DUOXA1: variants seen among roughly 807,000 people sequenced by gnomAD.
DUOXA1 encodes the protein dual oxidase activator 1.
In DUOXA1, 19 loss-of-function variants were observed where a neutral mutation model predicts 26.6. The ratio of observed to expected loss-of-function variants is 0.71; its 90% CI spans 0.50 to 1.05. The LOEUF is 1.05. Among genes scored for constraint, DUOXA1 ranks in the 50% least tolerant of loss-of-function variants. The probability of loss-of-function intolerance (pLI) is 0.00; values close to 1 mark genes in which losing one functional copy is unlikely to be tolerated. For synonymous variants in DUOXA1, 166 were observed against 177.0 expected (o/e 0.94, Z 0.49); for missense variants, 403 against 427.5 (o/e 0.94, Z 0.51).
chr15:45,119,371 G>A lies in DUOXA1; in HGVS notation c.773-6C>T. The stretch of plus-strand genomic sequence containing the variant: ...CAGCAGCACACACAGCAGTCCTGGA[G>A]ATGAGGGCAACAATTGTCCCACCTT... On this transcript the variant is annotated splice_region_variant and splice_polypyrimidine_tract_variant and intron_variant, in intron 8 of 8. Transcript: ENST00000560572. 5.0e-6 allele frequency: 8 copies of A among 1,602,582 alleles called. No individual in the cohort carries two copies. Among genetic ancestry groups the A allele is most frequent in the Non-Finnish European group, 6.0e-6 (7 of 1,171,630 alleles).
At chr15:45,121,337 G>A (rs1451267259) in intron 5 of DUOXA1, 116 bp from the exon 6 acceptor site, 27 of 1,456,406 alleles carry the variant, frequency 1.9e-5, no homozygotes, top group African/African-American at 1.3e-4. Context: ...CTGGATACCC[G>A]TTAACTAGCC....
chr15:45,119,018 C>T lies in DUOXA1; in HGVS notation c.*88G>A, dbSNP rs545798327. ...GGTGCTGGGTGTCTGGTAACAGCCA[C>T]CCTGAGGGCAGTTCTGCTGGTTTTA... On this transcript the variant is annotated 3_prime_UTR_variant, in exon 9 of 9. Transcript: ENST00000560572. 18 of 1,499,868 alleles carry T rather than the reference C, an allele frequency of 1.2e-5. No individual in the cohort carries two copies. The highest frequency in any genetic ancestry group is 1.1e-4 in the African/African-American group (8 of 71,532). The allele number at this position is 1,499,868 out of a possible 1,614,324, so 92.9% of individuals were successfully genotyped here.
Position 45,118,626 on chromosome 15 carries a change from CTG to C in DUOXA1, c.*478_*479del, listed in dbSNP as rs1320452069. 1.3e-5 allele frequency: 13 copies of C among 990,900 alleles called. No homozygotes were observed. The African/African-American group carries it at 1.9e-4, about 15-fold the overall frequency. The allele number at this position is 990,900 out of a possible 1,614,324, so 61.4% of individuals were successfully genotyped here. A position where few individuals can be genotyped will look rare whatever the true frequency, so the allele number is the denominator to read the frequency against. On this transcript the variant is annotated 3_prime_UTR_variant, in exon 9 of 9. Coordinates refer to ENST00000560572, the MANE Select transcript of DUOXA1 (RefSeq NM_001276266.2). ...GTTTGGTTTCCCCTCCTTTCCAGTG[CTG>C]TCTTTCATTGTACCAAAAGGCCACA...
Position 45,118,708 on chromosome 15 carries a change from A to T in DUOXA1, c.*398T>A. 1.0e-6 allele frequency: 1 copy of T among 998,772 alleles called. No homozygotes were observed. Among genetic ancestry groups the T allele is most frequent in the Non-Finnish European group, 1.2e-6 (1 of 839,366 alleles). 61.9% of individuals were successfully genotyped at this position (998,772 alleles called of 1,614,324 possible). A position where few individuals can be genotyped will look rare whatever the true frequency, so the allele number is the denominator to read the frequency against. On this transcript the variant is annotated 3_prime_UTR_variant, in exon 9 of 9. Coordinates refer to ENST00000560572, the MANE Select transcript of DUOXA1 (RefSeq NM_001276266.2). ...GGAACCCAGGAAAAAGGAAAACAAG[A>T]GGTGCCGAGGGATGAGAGGAAACCA...
intron 8 of DUOXA1, among the ~76,000 whole-genome samples, chr15:45,119,805 T>G (rs1438257766): frequency 6.6e-6 from 1 of 151,056 alleles, no homozygotes; most frequent in Non-Finnish European, 1.5e-5. Flanking sequence ...GAAGGGTATT[T>G]GGAGGAAGCA....
At position 45,118,586 on chromosome 15, in the gene DUOXA1, G is replaced by C; in HGVS notation, c.*520C>G. On this transcript the variant is annotated 3_prime_UTR_variant, in exon 9 of 9. Coordinates refer to ENST00000560572, the MANE Select transcript of DUOXA1 (RefSeq NM_001276266.2). ...AATGTGGCATAGTTGGTTAATGTTA[G>C]ACCTAGGATGAGAAGTTTGGTTTCC... 8 of 991,060 alleles carry C rather than the reference G, an allele frequency of 8.1e-6. No homozygotes were observed. The highest frequency in any genetic ancestry group is 9.6e-6 in the Non-Finnish European group (8 of 834,036). The allele number at this position is 991,060 out of a possible 1,614,324, so 61.4% of individuals were successfully genotyped here.
In DUOXA1 at chr15:45,120,636, G is replaced by A. The variant is rs763694078; in HGVS notation, c.510C>T (p.Tyr170=). The A allele has an allele frequency of 3.8e-5, 61 of 1,614,162 alleles. No individual in the cohort carries two copies. Among genetic ancestry groups the A allele is most frequent in the Non-Finnish European group, 5.0e-5 (59 of 1,180,006 alleles). Reference sequence around the variant, plus strand: ...AGTGTCCCGCCAGGCGGTACTGGCGGTATAGGCCACATGGGCTTCTTGGAG... The same window carrying A: ...AGTGTCCCGCCAGGCGGTACTGGCGATATAGGCCACATGGGCTTCTTGGAG... The part of the protein sequence containing the change: ...KFTPRSPCGL[Y]RQYRLAGHYT... The change falls in exon 7 of 9, where the codon TAC becomes TAT. Residue 170 remains tyrosine (Y), a synonymous_variant. Transcript: ENST00000560572.
chr15:45,121,019 C>T (rs1467176101), intron 6 of DUOXA1, 68 bp downstream of exon 6: 3 of 1,603,120 alleles, frequency 1.9e-6, no homozygotes, highest in African/African-American at 2.7e-5. Flanking sequence ...GCTCTTTGAC[C>T]ACACCAAACA....
chr15:45,128,057 A>C (rs1566999902), intron 3 of DUOXA1, among the ~76,000 whole-genome samples: 1 of 152,158 alleles, frequency 6.6e-6, no homozygotes, highest in East Asian at 1.9e-4. Flanking sequence ...CCTAGGGAGG[A>C]GGAGGCAGCA....
At chr15:45,124,809 G>A (rs191072897) in intron 3 of DUOXA1, among the ~76,000 whole-genome samples, 175 of 152,168 alleles carry the variant, frequency 1.2e-3, no homozygotes, top group Non-Finnish European at 2.0e-3. Context: ...CACCGTGCCC[G>A]GCCTCTCCAA....
At chr15:45,128,188 G>A (rs994018239) in intron 3 of DUOXA1, among the ~76,000 whole-genome samples, 1 of 152,210 alleles carries the variant, frequency 6.6e-6, no homozygotes, top group African/African-American at 2.4e-5. Context: ...GTGTGTATGA[G>A]AGGTGGGTAA....
At position 45,118,752 on chromosome 15, in the gene DUOXA1, C is replaced by A. The variant is rs2141177343; in HGVS notation, c.*354G>T. ...GAAACCATAGGAGAATCATATGTAA[C>A]CCCCACCCTGCTGGTGTTATGGGGG... On this transcript the variant is annotated 3_prime_UTR_variant, in exon 9 of 9. Coordinates refer to ENST00000560572, the MANE Select transcript of DUOXA1 (RefSeq NM_001276266.2). 1 of 1,024,010 alleles carries A rather than the reference C, an allele frequency of 9.8e-7. No homozygotes were observed. The highest frequency in any genetic ancestry group is 8.7e-5 in the East Asian group (1 of 11,456). The allele number at this position is 1,024,010 out of a possible 1,614,324, so 63.4% of individuals were successfully genotyped here.
At position 45,119,304 on chromosome 15, in the gene DUOXA1, C is replaced by T. The variant is rs1372036683; in HGVS notation, c.834G>A (p.Arg278=). The change falls in exon 9 of 9, where the codon AGG becomes AGA. Residue 278 remains arginine (R), a synonymous_variant. Coordinates refer to ENST00000560572, the MANE Select transcript of DUOXA1 (RefSeq NM_001276266.2). ...MAVAHRMQPH[R]LKAFFNQSVD... Reference sequence around the variant, plus strand: ...CACTCTGGTTGAAGAAAGCCTTCAGCCTGTGAGGCTGCATCCTGTGGGCCA... The same window carrying T: ...CACTCTGGTTGAAGAAAGCCTTCAGTCTGTGAGGCTGCATCCTGTGGGCCA... 6.2e-7 allele frequency: 1 copy of T among 1,613,938 alleles called. No individual in the cohort carries two copies. The highest frequency in any genetic ancestry group is 1.3e-5 in the African/African-American group (1 of 74,938).
Position 45,120,316 on chromosome 15 carries a change from C to T in DUOXA1, c.559G>A (p.Ala187Thr). 6.2e-7 allele frequency: 1 copy of T among 1,613,954 alleles called. No homozygotes were observed. ...TTGGCCAGCAGCCAGCAGAGGAATG[C>T]CACCCTGGAGAGCCAGGACCCAGTG... Reference protein sequence around the residue: ...GHYTSAMLWVAFLCWLLANVM... With the variant: ...GHYTSAMLWVTFLCWLLANVM... The change falls in exon 8 of 9, where the codon GCA becomes ACA. Residue 187 changes from alanine (A) to threonine (T), a missense_variant. By Grantham distance (58) the Ala-to-Thr change is moderately conservative. Transcript: ENST00000560572.
chr15:45,122,005 C>T (rs1895252859), intron 5 of DUOXA1, among the ~76,000 whole-genome samples, 180 bp downstream of exon 5: 2 of 152,156 alleles, frequency 1.3e-5, no homozygotes. Context: ...TGACACCTCT[C>T]CAGGCAAGGG....
At chr15:45,122,075 C>T (rs1895259745) in intron 5 of DUOXA1, 110 bp downstream of exon 5, 1 of 1,251,290 alleles carries the variant, frequency 8.0e-7, no homozygotes, top group Non-Finnish European at 1.1e-6. Flanking sequence ...TGGAAGCCAC[C>T]CTGAAGCAAG....
intron 3 of DUOXA1, among the ~76,000 whole-genome samples, chr15:45,124,059 A>C (rs1451842671): frequency 1.3e-5 from 2 of 151,930 alleles, no homozygotes; most frequent in Non-Finnish European, 2.9e-5. Context: ...AAAAAAATGC[A>C]TCTTAGAGTC....
At chr15:45,124,845 G>A (rs1355923910) in intron 3 of DUOXA1, among the ~76,000 whole-genome samples, 3 of 152,090 alleles carry the variant, frequency 2.0e-5, no homozygotes, top group African/African-American at 7.2e-5. Context: ...ACCCTGAGCT[G>A]GAATCCATTC....
rs376672007 is a variant in DUOXA1, at chr15:45,120,601, G to A, written c.545C>T (p.Ala182Val). 1.2e-6 allele frequency: 2 copies of A among 1,614,116 alleles called. No homozygotes were observed. Among genetic ancestry groups the A allele is most frequent in the East Asian group, 4.5e-5 (2 of 44,884 alleles). ...TCCTTCCCATCCTCACCATAGCATG[G>A]CTGAGGTGTAGTGTCCCGCCAGGCG... Reference protein sequence around the residue: ...QYRLAGHYTSAMLWVAFLCWL... With the variant: ...QYRLAGHYTSVMLWVAFLCWL... The change falls in exon 7 of 9, where the codon GCC becomes GTC. Residue 182 changes from alanine to valine, a missense_variant. Physicochemically the swap from Ala to Val is moderately conservative, Grantham distance 64. Transcript: ENST00000560572.
Sources: allele counts gnomAD v4.1 joint callset (sites outside exome capture counted in the v4.1 genomes callset), GRCh38; gene constraint gnomAD v4.1.1; transcripts MANE v1.5; gene names NCBI Gene and HGNC (gene_info 2026-07-23, HGNC 2026-07-21).